The following SLC12A8 variants were observed in gnomAD, a reference collection of about 807,000 sequenced individuals.
SLC12A8 encodes the protein solute carrier family 12 member 8, also known as cation-chloride cotransporter 9.
SLC12A8 carries 69 observed loss-of-function variants against 75.6 expected under a neutral mutation model. That is an observed-to-expected ratio of 0.91 (90% CI 0.75 to 1.11). The LOEUF is 1.11. SLC12A8 is among the 50% of genes most tolerant of loss of function. The probability of loss-of-function intolerance (pLI) is 0.00; values close to 1 mark genes in which losing one functional copy is unlikely to be tolerated. For synonymous variants in SLC12A8, 365 were observed against 372.8 expected, an observed-to-expected ratio of 0.98 and a Z score of 0.24; for missense variants, 877 against 896.7, an observed-to-expected ratio of 0.98 and a Z score of 0.28.
chr3:125,092,419 G>A (rs548122580), intron 10 of SLC12A8, among the ~76,000 whole-genome samples: 2 of 152,260 alleles, frequency 1.3e-5, no homozygotes, highest in South Asian at 4.2e-4. Flanking sequence ...GGAGAGGAAG[G>A]TCCTCTGATG....
At position 125,091,457 on chromosome 3, in the gene SLC12A8, T is replaced by G. The variant is rs760765570; in HGVS notation, c.1903A>C (p.Ser635Arg). The G allele has an allele frequency of 2.1e-5, 34 of 1,613,570 alleles. No homozygotes were observed. Among genetic ancestry groups the G allele is most frequent in the Non-Finnish European group, 2.8e-5 (33 of 1,179,666 alleles). The change falls in exon 12 of 14, where the codon AGT becomes CGT. Residue 635 changes from serine to arginine, a missense_variant. Coordinates refer to ENST00000469902, the MANE Select transcript of SLC12A8 (RefSeq NM_024628.6). ...AIVYFYIGRA[S>R]PGLHLGSASN... is the part of the protein sequence containing the mutation. ...TGCTTACCAAGGTGAAGCCCTGGAC[T>G]GGCCCGGCCAATGTAGAAATACACG...
intron 3 of SLC12A8, among the ~76,000 whole-genome samples, chr3:125,188,010 G>A (rs1934828357): frequency 6.6e-6 from 1 of 152,098 alleles, no homozygotes; most frequent in Admixed American, 6.5e-5. Context: ...AGGATGATAT[G>A]GTTTAGATGT....
intron 4 of SLC12A8, among the ~76,000 whole-genome samples, chr3:125,185,259 G>A (rs1355948450): frequency 5.3e-5 from 8 of 151,960 alleles, no homozygotes; most frequent in East Asian, 3.9e-4. Flanking sequence ...GGTGGAGATT[G>A]TGGTGAGCCG....
chr3:125,185,598 C>T (rs530220332), intron 4 of SLC12A8, among the ~76,000 whole-genome samples: 58 of 152,264 alleles, frequency 3.8e-4, no homozygotes, highest in African/African-American at 1.3e-3. Flanking sequence ...AAGGAGGGAA[C>T]ACCTTCCAAC....
chr3:125,208,824 A>C (rs5852449), intron 2 of SLC12A8, among the ~76,000 whole-genome samples: 20,406 of 124,014 alleles, frequency 0.16, 3,175 homozygotes, highest in East Asian at 0.53. Context: ...AGAGAGAGAG[A>C]GCTACCCTAT....
intron 5 of SLC12A8, among the ~76,000 whole-genome samples, chr3:125,171,465 T>C (rs1234971216): frequency 1.8e-4 from 2 of 11,180 alleles, no homozygotes; most frequent in African/African-American, 3.3e-4. Flanking sequence ...TGCACACATA[T>C]GTTTATTGCG....
intron 6 of SLC12A8, chr3:125,121,086 G>A (rs1933046465): frequency 1.8e-6 from 1 of 543,202 alleles, no homozygotes; most frequent in Non-Finnish European, 3.2e-6. Flanking sequence ...AGCTTTCCCT[G>A]CCTCTGCTGC....
intron 10 of SLC12A8, among the ~76,000 whole-genome samples, chr3:125,103,932 G>A (rs930611051): frequency 6.7e-6 from 1 of 149,980 alleles, no homozygotes; most frequent in African/African-American, 2.5e-5. Flanking sequence ...CGTGCCCAGC[G>A]AGTGCTTCAC....
At chr3:125,176,474 T>C (rs2993632) in intron 5 of SLC12A8, among the ~76,000 whole-genome samples, 28,852 of 152,036 alleles carry the variant, frequency 0.19, 2,908 homozygotes, top group African/African-American at 0.21. Flanking sequence ...AATTGACAAA[T>C]GGGATACAAT....
At chr3:125,198,067 TATG>T (rs1477608189) in intron 2 of SLC12A8, among the ~76,000 whole-genome samples, 1 of 152,208 alleles carries the variant, frequency 6.6e-6, no homozygotes, top group Non-Finnish European at 1.5e-5. Context: ...TAGCTCCTAC[TATG>T]ATGTCCTGGG....
intron 5 of SLC12A8, among the ~76,000 whole-genome samples, chr3:125,153,619 G>C (rs1040947980): frequency 1.4e-5 from 2 of 139,552 alleles, no homozygotes; most frequent in Non-Finnish European, 3.1e-5. Flanking sequence ...AAGAGATAAT[G>C]AAATTTATGT....
chr3:125,189,114 TAAGTA>T (rs991718358), intron 3 of SLC12A8, among the ~76,000 whole-genome samples: 2 of 152,204 alleles, frequency 1.3e-5, no homozygotes, highest in African/African-American at 4.8e-5. Flanking sequence ...CAGTTGACCT[TAAGTA>T]AAGGAGATTA....
chr3:125,142,844 G>A (rs1933682523), intron 5 of SLC12A8, among the ~76,000 whole-genome samples: 1 of 152,188 alleles, frequency 6.6e-6, no homozygotes, highest in Non-Finnish European at 1.5e-5. Flanking sequence ...AGGACACACT[G>A]TCCAAATACA....
intron 4 of SLC12A8, among the ~76,000 whole-genome samples, chr3:125,178,897 A>T (rs898481363): frequency 6.6e-6 from 1 of 152,226 alleles, no homozygotes; most frequent in Non-Finnish European, 1.5e-5. Context: ...TCTTTTTTTA[A>T]AAAAATGAAA....
intron 10 of SLC12A8, among the ~76,000 whole-genome samples, chr3:125,107,018 T>C (rs978067525): frequency 8.5e-5 from 13 of 152,358 alleles, no homozygotes; most frequent in Admixed American, 3.9e-4. Flanking sequence ...TCTGTGTTTA[T>C]AGATTTGAGA....
chr3:125,157,925 T>C (rs574627369), intron 5 of SLC12A8, among the ~76,000 whole-genome samples: 1 of 152,236 alleles, frequency 6.6e-6, no homozygotes, highest in African/African-American at 2.4e-5. Context: ...CTGCACATAG[T>C]GGGACTCAGG....
intron 7 of SLC12A8, among the ~76,000 whole-genome samples, chr3:125,120,319 G>C (rs111238666): frequency 8.6e-5 from 13 of 151,538 alleles, no homozygotes; most frequent in South Asian, 4.2e-4. Context: ...GGGAGGGACG[G>C]GGGCGGGAGG....
chr3:125,141,673 AGGCTGCGGGCTGCGGGCTGCG>A lies in SLC12A8; in HGVS notation c.623-5912_623-5892del, dbSNP rs58035397. On this transcript the variant is annotated intron_variant, in intron 5 of 13. Coordinates refer to ENST00000469902, the MANE Select transcript of SLC12A8 (RefSeq NM_024628.6). ...TTTCTAAAAATGATGCTGGGGCTGCAGGCTGCGGGCTGCGGGCTGCGGGCTGCGGGCTGCTGCCGCGGCGGG... is the reference window on the plus strand; with the variant it reads ...TTTCTAAAAATGATGCTGGGGCTGCAGGCTGCGGGCTGCTGCCGCGGCGGG... Among the ~76,000 whole-genome samples the A allele has an allele frequency of 9.8e-3, 1,488 of 151,924 alleles. 10 individuals are homozygous for A. Among genetic ancestry groups the A allele is most frequent in the Non-Finnish European group, 0.015 (1,008 of 67,890 alleles).
intron 4 of SLC12A8, among the ~76,000 whole-genome samples, chr3:125,182,769 G>A (rs62265746): frequency 0.15 from 22,881 of 152,180 alleles, 1,802 homozygotes; most frequent in Middle Eastern, 0.18. Flanking sequence ...GCCTCCCAAA[G>A]TTCTGGGATT....
Sources: gnomAD v4.1 joint callset for allele counts (sites outside exome capture counted in the v4.1 genomes callset) on GRCh38, gnomAD v4.1.1 for gene constraint, MANE v1.5 for transcripts, NCBI Gene and HGNC (gene_info 2026-07-23, HGNC 2026-07-21) for gene names.